RGS5: variants seen among roughly 807,000 people sequenced by gnomAD.
The protein encoded by RGS5 is regulator of G protein signaling 5.
A neutral mutation model predicts 18.9 loss-of-function variants in RGS5; 20 were observed. The ratio of observed to expected loss-of-function variants is 1.06; its 90% CI spans 0.74 to 1.54. The LOEUF is 1.54. Ranked by LOEUF, RGS5 falls within the 40% of genes most tolerant of loss-of-function variation. The probability of loss-of-function intolerance (pLI) is 0.00; values close to 1 mark genes in which losing one functional copy is unlikely to be tolerated. For missense variants in RGS5, 201 were observed against 211.8 expected (o/e 0.95, Z 0.32); for synonymous variants, 57 against 76.2 (o/e 0.75, Z 1.31).
intron 2 of RGS5, among the ~76,000 whole-genome samples, chr1:163,299,207 T>A (rs1232200465): frequency 6.6e-6 from 1 of 152,172 alleles, no homozygotes; most frequent in Non-Finnish European, 1.5e-5. Context: ...GAGGAGTAAA[T>A]TTGAGCAACA....
intron 2 of RGS5, among the ~76,000 whole-genome samples, chr1:163,227,719 C>T (rs1175723976): frequency 1.3e-5 from 2 of 152,100 alleles, no homozygotes; most frequent in Non-Finnish European, 2.9e-5. Flanking sequence ...AAGGCAAGTC[C>T]CTTCCACTTA....
chr1:163,282,811 A>G (rs1441474739), intron 2 of RGS5, among the ~76,000 whole-genome samples: 1 of 152,184 alleles, frequency 6.6e-6, no homozygotes, highest in Non-Finnish European at 1.5e-5. Context: ...GGAAATTAGT[A>G]TATCAAAGAG....
chr1:163,317,297 G>A (rs1051303380), intron 1 of RGS5, among the ~76,000 whole-genome samples: 2 of 152,152 alleles, frequency 1.3e-5, no homozygotes, highest in African/African-American at 2.4e-5. Flanking sequence ...AAAGATTTGT[G>A]CTAAGCTGTG....
intron 3 of RGS5, among the ~76,000 whole-genome samples, chr1:163,155,856 C>G (rs1208662473): frequency 6.6e-6 from 1 of 152,078 alleles, no homozygotes; most frequent in East Asian, 1.9e-4. Context: ...CTCTAGAAAG[C>G]CAATGAAACC....
intron 2 of RGS5, among the ~76,000 whole-genome samples, chr1:163,277,517 G>A (rs1352860795): frequency 3.9e-5 from 6 of 152,176 alleles, no homozygotes; most frequent in African/African-American, 1.4e-4. Context: ...AAGGCCTTTT[G>A]TTTTGGGTTA....
At chr1:163,265,187 G>T (rs139141509) in intron 2 of RGS5, among the ~76,000 whole-genome samples, 2 of 152,150 alleles carry the variant, frequency 1.3e-5, no homozygotes, top group Non-Finnish European at 2.9e-5. Context: ...TGTAAAGATG[G>T]ATACCTATTC....
intron 2 of RGS5, 45 bp downstream of exon 2, chr1:163,168,213 G>T: frequency 7.2e-7 from 1 of 1,393,518 alleles, no homozygotes; most frequent in Non-Finnish European, 1.0e-6. Context: ...TTGGAAAATA[G>T]CCATCCTCTG....
At chr1:163,158,911 T>C (rs1013400060) in intron 3 of RGS5, among the ~76,000 whole-genome samples, 1 of 152,122 alleles carries the variant, frequency 6.6e-6, no homozygotes, top group Non-Finnish European at 1.5e-5. Context: ...ATCCCTCAAC[T>C]ACGATCATAA....
intron 1 of RGS5, among the ~76,000 whole-genome samples, chr1:163,316,921 C>T (rs975690042): frequency 1.3e-5 from 2 of 152,106 alleles, no homozygotes; most frequent in South Asian, 4.1e-4. Context: ...GCAGTTTGTA[C>T]CAGGCATGGT....
intron 1 of RGS5, among the ~76,000 whole-genome samples, chr1:163,180,163 A>G (rs558731843): frequency 6.6e-6 from 1 of 152,226 alleles, no homozygotes; most frequent in East Asian, 1.9e-4. Context: ...TTTTGTAGAG[A>G]TGGCATTTTG....
At chr1:163,296,894 A>C (rs543600858) in intron 2 of RGS5, among the ~76,000 whole-genome samples, 1 of 152,290 alleles carries the variant, frequency 6.6e-6, no homozygotes, top group Non-Finnish European at 1.5e-5. Flanking sequence ...TTGGCCCTAA[A>C]AAGTTACTTT....
At chr1:163,295,723 G>T (rs1422628940) in intron 2 of RGS5, among the ~76,000 whole-genome samples, 2 of 152,136 alleles carry the variant, frequency 1.3e-5, no homozygotes, top group Non-Finnish European at 2.9e-5. Flanking sequence ...TCCTGAAGTG[G>T]AATCTTCAAA....
chr1:163,247,909 A>G lies in RGS5; in HGVS notation c.-281+58324T>C, dbSNP rs148495474. 1.2e-4 allele frequency among the ~76,000 whole-genome samples: 18 copies of G among 152,256 alleles called. No homozygotes were observed. The East Asian group carries it at 3.3e-3, about 28-fold the overall frequency. On this transcript the variant is annotated intron_variant, in intron 2 of 5. Coordinates refer to the RGS5 transcript ENST00000618415. ...ATGAATGTTCTTTCAATCAATTAAC[A>G]CATTTTCTTAGTTTTTCCTACTCCA... is the stretch of plus-strand genomic sequence containing the variant.
chr1:163,245,260 T>C lies in RGS5; in HGVS notation c.-281+60973A>G, dbSNP rs150054010. On this transcript the variant is annotated intron_variant, in intron 2 of 5. Transcript: ENST00000618415. The stretch of plus-strand genomic sequence containing the variant: ...TTAATCCTCTCCTATATCCCTCATG[T>C]ACTACACCATGAACTCTATTCAGCC... 3.3e-5 allele frequency among the ~76,000 whole-genome samples: 5 copies of C among 152,322 alleles called. No homozygotes were observed. The East Asian group carries it at 9.7e-4, about 29-fold the overall frequency.
intron 1 of RGS5, among the ~76,000 whole-genome samples, chr1:163,208,848 C>T (rs1364090143): frequency 1.3e-5 from 2 of 152,114 alleles, no homozygotes; most frequent in Middle Eastern, 3.4e-3. Flanking sequence ...TAATCAGAGA[C>T]TGGCATGCCT....
At chr1:163,168,876 T>A (rs1658173725) in intron 1 of RGS5, among the ~76,000 whole-genome samples, 1 of 152,104 alleles carries the variant, frequency 6.6e-6, no homozygotes, top group Non-Finnish European at 1.5e-5. Flanking sequence ...TTTATTATTA[T>A]TATACTTTAA....
intron 1 of RGS5, among the ~76,000 whole-genome samples, chr1:163,174,296 TC>T (rs1280230948): frequency 6.6e-6 from 1 of 152,182 alleles, no homozygotes; most frequent in East Asian, 1.9e-4. Flanking sequence ...AAGTGTCAGG[TC>T]CCCAAGAGCA....
intron 2 of RGS5, chr1:163,244,753 T>A (rs1227937997): frequency 6.6e-6 from 1 of 152,150 alleles, no homozygotes; most frequent in Admixed American, 6.5e-5. Context: ...CTGTGATGAA[T>A]CACAGAAGTC....
At chr1:163,236,416 A>C (rs1474543651) in intron 2 of RGS5, among the ~76,000 whole-genome samples, 1 of 152,146 alleles carries the variant, frequency 6.6e-6, no homozygotes, top group Non-Finnish European at 1.5e-5. Flanking sequence ...ATATACTGTT[A>C]TATCAAGGAA....
Sources: gnomAD v4.1 joint callset for allele counts (sites outside exome capture counted in the v4.1 genomes callset) on GRCh38, gnomAD v4.1.1 for gene constraint, MANE v1.5 for transcripts, NCBI Gene and HGNC (gene_info 2026-07-23, HGNC 2026-07-21) for gene names.